ARID4B: variants seen among roughly 807,000 people sequenced by gnomAD.
ARID4B encodes AT-rich interaction domain 4B.
A neutral mutation model predicts 147.5 loss-of-function variants in ARID4B; 26 were observed. The observed-to-expected ratio is 0.18, with a 90% CI of 0.13 to 0.24. ARID4B has a LOEUF of 0.24. Among genes scored for constraint, ARID4B ranks in the 10% least tolerant of loss-of-function variants. The probability of loss-of-function intolerance (pLI) is 1.00; values close to 1 mark genes in which losing one functional copy is unlikely to be tolerated. For synonymous variants in ARID4B, 512 were observed against 507.9 expected, an observed-to-expected ratio of 1.01 and a Z score of -0.11; for missense variants, 1,179 against 1,511.5, an observed-to-expected ratio of 0.78 and a Z score of 3.65.
At chr1:235,201,936 A>G (rs1665962208) in intron 17 of ARID4B, among the ~76,000 whole-genome samples, 1 of 151,794 alleles carries the variant, frequency 6.6e-6, no homozygotes, top group South Asian at 2.1e-4. Flanking sequence ...GCAATTTTAG[A>G]TTCAAGCAAT....
At chr1:235,318,259 C>G (rs1424472231) in intron 2 of ARID4B, among the ~76,000 whole-genome samples, 1 of 146,640 alleles carries the variant, frequency 6.8e-6, no homozygotes, top group Non-Finnish European at 1.5e-5. Context: ...TCACTGCAAC[C>G]TTTGCCTCCC....
intron 2 of ARID4B, among the ~76,000 whole-genome samples, chr1:235,302,168 A>AAAC (rs1673205081): frequency 6.8e-6 from 1 of 146,642 alleles, no homozygotes; most frequent in Non-Finnish European, 1.5e-5. Flanking sequence ...AAAAAAAAAA[A>AAAC]AAAAAAAAAC....
At chr1:235,304,137 T>C (rs945256531) in intron 2 of ARID4B, among the ~76,000 whole-genome samples, 1 of 152,030 alleles carries the variant, frequency 6.6e-6, no homozygotes, top group Admixed American at 6.6e-5. Flanking sequence ...TGGACAGATA[T>C]CTTGAGTCCA....
At chr1:235,323,926 AG>A (rs1675032506) in intron 2 of ARID4B, among the ~76,000 whole-genome samples, 1 of 147,430 alleles carries the variant, frequency 6.8e-6, no homozygotes. Context: ...TTTTTGAGAG[AG>A]AGAGTTTCAC....
intron 22 of ARID4B, among the ~76,000 whole-genome samples, chr1:235,173,763 A>T (rs1663576734): frequency 7.6e-5 from 4 of 52,506 alleles, no homozygotes; most frequent in African/African-American, 1.2e-4. Context: ...AAAAAAAAAA[A>T]AAAAAAAAAT....
At chr1:235,227,435 A>C (rs1338613606) in intron 11 of ARID4B, among the ~76,000 whole-genome samples, 1 of 152,216 alleles carries the variant, frequency 6.6e-6, no homozygotes, top group African/African-American at 2.4e-5. Context: ...ATTACAGATC[A>C]CTACACCCTA....
chr1:235,274,307 G>A (rs1347463326), intron 2 of ARID4B, among the ~76,000 whole-genome samples: 14 of 152,048 alleles, frequency 9.2e-5, no homozygotes, highest in Admixed American at 8.5e-4. Flanking sequence ...CCCGGGAGGT[G>A]GAGGTTGCAG....
intron 2 of ARID4B, among the ~76,000 whole-genome samples, chr1:235,301,063 T>A (rs10925361): frequency 0.24 from 29,410 of 122,766 alleles, 4,374 homozygotes; most frequent in South Asian, 0.43. Flanking sequence ...TTTTTTTTTT[T>A]AGTATACAGA....
chr1:235,271,968 A>AATAAAT (rs113339591), intron 2 of ARID4B, among the ~76,000 whole-genome samples: 1 of 150,288 alleles, frequency 6.7e-6, no homozygotes, highest in African/African-American at 2.4e-5. Flanking sequence ...TAATAATAAT[A>AATAAAT]AATAATAATA....
At chr1:235,185,378 ATTATT>A (rs1470759013) in intron 19 of ARID4B, among the ~76,000 whole-genome samples, 2 of 152,206 alleles carry the variant, frequency 1.3e-5, no homozygotes, top group East Asian at 3.9e-4. Flanking sequence ...TCTCTTTTAC[ATTATT>A]TTATTTCATT....
intron 7 of ARID4B, among the ~76,000 whole-genome samples, chr1:235,240,934 C>T (rs1037504696): frequency 3.3e-5 from 5 of 152,130 alleles, no homozygotes; most frequent in Non-Finnish European, 7.4e-5. Context: ...CCACTGCTAT[C>T]CATAACAACA....
At chr1:235,232,597 G>A (rs1668309511) in intron 9 of ARID4B, among the ~76,000 whole-genome samples, 1 of 151,178 alleles carries the variant, frequency 6.6e-6, no homozygotes. Context: ...TGCCGAGCGT[G>A]GTGGCACACA....
At chr1:235,270,262 G>A (rs184399040) in intron 2 of ARID4B, among the ~76,000 whole-genome samples, 2,216 of 152,144 alleles carry the variant, frequency 0.015, 33 homozygotes, top group Non-Finnish European at 0.019. Context: ...CAGCCCGGGC[G>A]ACAGAGAGAG....
At chr1:235,289,567 A>T (rs1221434947) in intron 2 of ARID4B, among the ~76,000 whole-genome samples, 2 of 151,998 alleles carry the variant, frequency 1.3e-5, no homozygotes, top group Admixed American at 6.6e-5. Flanking sequence ...CTATTAAAAA[A>T]TTTAAAAATT....
rs375940496 is a variant in ARID4B at position 235,194,182 on chromosome 1, A to G, written c.1956T>C (p.Asp652=). 10 of 1,611,586 alleles carry G rather than the reference A, an allele frequency of 6.2e-6. No individual in the cohort carries two copies. Among genetic ancestry groups the G allele is most frequent in the African/African-American group, 1.3e-5 (1 of 74,812 alleles). The change falls in exon 19 of 24, where the codon GAT becomes GAC. Residue 652 remains aspartate (D), a synonymous_variant. Coordinates refer to ENST00000264183, the MANE Select transcript of ARID4B (RefSeq NM_016374.6). ...TACAGTTTTTTGGAGAGTATTTTTC[A>G]TCTTTGTCTTTTTCTTTGTCTAATT... is the stretch of plus-strand genomic sequence containing the variant. The part of the protein sequence containing the change: ...KNKLDKEKDK[D]EKYSPKNCKL...
intron 8 of ARID4B, among the ~76,000 whole-genome samples, chr1:235,239,022 G>GC (rs1668811058): frequency 6.9e-6 from 1 of 144,174 alleles, no homozygotes. Flanking sequence ...TTGCTCTGTC[G>GC]CCCACACTGG....
At chr1:235,194,997 G>A (rs1345642466) in intron 18 of ARID4B, among the ~76,000 whole-genome samples, 1 of 151,992 alleles carries the variant, frequency 6.6e-6, no homozygotes, top group African/African-American at 2.4e-5. Flanking sequence ...CAAATTATTT[G>A]TTTACAAATA....
At chr1:235,174,611 G>A (rs1663716575) in intron 22 of ARID4B, among the ~76,000 whole-genome samples, 1 of 151,640 alleles carries the variant, frequency 6.6e-6, no homozygotes, top group African/African-American at 2.4e-5. Flanking sequence ...GGCCAGCCTG[G>A]CCAACATGGT....
At chr1:235,302,791 G>A (rs1361257589) in intron 2 of ARID4B, among the ~76,000 whole-genome samples, 1 of 152,126 alleles carries the variant, frequency 6.6e-6, no homozygotes, top group Admixed American at 6.5e-5. Flanking sequence ...AAAGTAGGAG[G>A]TACATTTTAT....
Sources: gnomAD v4.1 joint callset for allele counts (sites outside exome capture counted in the v4.1 genomes callset) on GRCh38, gnomAD v4.1.1 for gene constraint, MANE v1.5 for transcripts, NCBI Gene and HGNC (gene_info 2026-07-23, HGNC 2026-07-21) for gene names.